The following STRN3 variants were observed in gnomAD, a reference collection of about 807,000 sequenced individuals.
The protein encoded by STRN3 is striatin 3, also known as striatin-3.
STRN3 carries 29 observed loss-of-function variants against 95.6 expected under a neutral mutation model. The ratio of observed to expected loss-of-function variants is 0.30; its 90% confidence interval spans 0.23 to 0.41. STRN3 has a LOEUF of 0.41. Among genes scored for constraint, STRN3 ranks in the 10% least tolerant of loss-of-function variants. The probability of loss-of-function intolerance (pLI) is 1.00; values close to 1 mark genes in which losing one functional copy is unlikely to be tolerated. For synonymous variants in STRN3, 331 were observed against 357.6 expected, an observed-to-expected ratio of 0.93 and a Z score of 0.84; for missense variants, 890 against 972.1, an observed-to-expected ratio of 0.92 and a Z score of 1.12.
intron 8 of STRN3, among the ~76,000 whole-genome samples, chr14:30,920,711 A>C (rs1183868344): frequency 2.0e-5 from 3 of 152,130 alleles, no homozygotes; most frequent in Non-Finnish European, 2.9e-5. Flanking sequence ...TGGTTTTTCT[A>C]TCTCCAAGCT....
chr14:30,996,925 C>T (rs10140025), intron 1 of STRN3, among the ~76,000 whole-genome samples: 96,314 of 151,500 alleles, frequency 0.64, 31,597 homozygotes, highest in Non-Finnish European at 0.73. Flanking sequence ...AGAACAATTA[C>T]AAGGACCATG....
intron 1 of STRN3, among the ~76,000 whole-genome samples, chr14:30,969,354 G>C (rs1057347837): frequency 1.3e-5 from 2 of 151,934 alleles, no homozygotes; most frequent in Admixed American, 1.3e-4. Flanking sequence ...GGAGAATGGC[G>C]TGAACCCGGG....
At chr14:30,905,842 G>A (rs561195205) in intron 14 of STRN3, among the ~76,000 whole-genome samples, 4 of 152,250 alleles carry the variant, frequency 2.6e-5, no homozygotes, top group East Asian at 1.9e-4. Context: ...TCTATTACAC[G>A]TTTTCTTCTA....
At chr14:30,900,376 C>A (rs57810688) in intron 16 of STRN3, among the ~76,000 whole-genome samples, 7,618 of 137,852 alleles carry the variant, frequency 0.055, 384 homozygotes, top group East Asian at 0.21. Context: ...AAAAAAAAAA[C>A]CACACCAAAA....
At chr14:30,996,159 C>T (rs1452777564) in intron 1 of STRN3, among the ~76,000 whole-genome samples, 1 of 152,202 alleles carries the variant, frequency 6.6e-6, no homozygotes, top group Admixed American at 6.5e-5. Flanking sequence ...GCTGCCTCAG[C>T]TCCCCCAGGG....
rs376672526 is a variant in STRN3, at chr14:30,911,024, T to C, written c.1720+17A>G. On this transcript the variant is annotated intron_variant, in intron 13 of 17. Coordinates refer to ENST00000357479, the MANE Select transcript of STRN3 (RefSeq NM_001083893.2). ...TCCATTCACTTAAAAAAAATACATTTTGATCATTTTACTTACCATATGTAT... is the reference window on the plus strand; with the variant it reads ...TCCATTCACTTAAAAAAAATACATTCTGATCATTTTACTTACCATATGTAT... 3 of 1,609,148 alleles carry C rather than the reference T, an allele frequency of 1.9e-6. No individual in the cohort carries two copies. The African/African-American group carries it at 4.0e-5, about 22-fold the overall frequency.
chr14:30,955,597 A>AG, intron 3 of STRN3, 23 bp downstream of exon 3: 1 of 1,532,340 alleles, frequency 6.5e-7, no homozygotes, highest in Non-Finnish European at 8.7e-7. Context: ...AAAAAAAAAA[A>AG]GTAACAGAAG....
At chr14:30,979,800 A>C (rs1366747176) in intron 1 of STRN3, among the ~76,000 whole-genome samples, 1 of 151,782 alleles carries the variant, frequency 6.6e-6, no homozygotes, top group Non-Finnish European at 1.5e-5. Context: ...GCGTTTCACC[A>C]TGTTGGCCAG....
At chr14:31,023,250 G>T (rs1323091683) in intron 1 of STRN3, among the ~76,000 whole-genome samples, 1 of 152,062 alleles carries the variant, frequency 6.6e-6, no homozygotes, top group Non-Finnish European at 1.5e-5. Flanking sequence ...GTGGAATTTT[G>T]GTAATTCATG....
chr14:30,953,904 C>T (rs1307514769), intron 3 of STRN3, among the ~76,000 whole-genome samples: 1 of 152,184 alleles, frequency 6.6e-6, no homozygotes, highest in Non-Finnish European at 1.5e-5. Flanking sequence ...GCTGGGATTA[C>T]AGGAATGAGC....
intron 1 of STRN3, among the ~76,000 whole-genome samples, chr14:30,995,005 A>T (rs1197395376): frequency 1.3e-5 from 2 of 152,216 alleles, no homozygotes; most frequent in African/African-American, 4.8e-5. Context: ...GAGTCAAATG[A>T]TCTAGAATAT....
At position 30,919,058 on chromosome 14, in the gene STRN3, T is replaced by C. The variant is rs747314434; in HGVS notation, c.1148A>G (p.Asp383Gly). ...TCCTGAAGGGATGTGGGGCAGCTCA[T>C]CATCTCCCAGATCAGCTATCATGTC... ...LYDMIADLGD[D>G]ELPHIPSGII... The change falls in exon 9 of 18, where the codon GAT becomes GGT. Residue 383 changes from aspartate to glycine, a missense_variant. By Grantham distance (94) the Asp-to-Gly change is moderately conservative. Around this residue, in one of 3 missense-constraint regions of STRN3, gnomAD observed 526 missense variants for 526.3 expected, o/e 1.00. Coordinates refer to ENST00000357479, the MANE Select transcript of STRN3 (RefSeq NM_001083893.2). The C allele has an allele frequency of 6.2e-7, 1 of 1,611,900 alleles. No homozygotes were observed. Among genetic ancestry groups the C allele is most frequent in the Non-Finnish European group, 8.5e-7 (1 of 1,178,754 alleles).
chr14:30,959,802 T>C (rs931576742), intron 1 of STRN3, among the ~76,000 whole-genome samples: 1 of 150,416 alleles, frequency 6.6e-6, no homozygotes, highest in African/African-American at 2.5e-5. Flanking sequence ...TCCAAAACTA[T>C]AACAGATAAA....
chr14:30,901,945 A>G (rs1465452433), intron 16 of STRN3, among the ~76,000 whole-genome samples: 1 of 152,046 alleles, frequency 6.6e-6, no homozygotes, highest in Non-Finnish European at 1.5e-5. Flanking sequence ...AGGCAGGTGG[A>G]TCATCTGAGG....
chr14:30,959,589 T>G (rs780933646), intron 1 of STRN3, among the ~76,000 whole-genome samples: 5 of 152,180 alleles, frequency 3.3e-5, no homozygotes, highest in Non-Finnish European at 7.3e-5. Context: ...TCAGCAATGT[T>G]ATAGCATCAT....
chr14:31,004,924 AAC>A (rs1187399418), intron 1 of STRN3, among the ~76,000 whole-genome samples: 1 of 152,152 alleles, frequency 6.6e-6, no homozygotes, highest in African/African-American at 2.4e-5. Flanking sequence ...GAATCCCAGA[AAC>A]AGTCTGGTCT....
intron 16 of STRN3, among the ~76,000 whole-genome samples, chr14:30,896,485 C>A (rs1896153163): frequency 6.7e-6 from 1 of 148,522 alleles, no homozygotes; most frequent in Non-Finnish European, 1.5e-5. Flanking sequence ...TCTAGCTAGC[C>A]TGGGCAACAT....
chr14:30,956,320 C>T, intron 1 of STRN3, 78 bp from the exon 2 acceptor site: 1 of 1,340,500 alleles, frequency 7.5e-7, no homozygotes, highest in Non-Finnish European at 1.1e-6. Context: ...AAACGATAAA[C>T]ACAAACTGTT....
chr14:30,972,379 C>T (rs1020431973), intron 1 of STRN3, among the ~76,000 whole-genome samples: 3 of 152,186 alleles, frequency 2.0e-5, no homozygotes, highest in African/African-American at 7.2e-5. Flanking sequence ...AATGACACAG[C>T]AGCAAGGGGC....
Sources: allele counts gnomAD v4.1 joint callset (sites outside exome capture counted in the v4.1 genomes callset), GRCh38; gene constraint gnomAD v4.1.1; regional missense constraint gnomAD v4.1.1; transcripts MANE v1.5; gene names NCBI Gene and HGNC (gene_info 2026-07-23, HGNC 2026-07-21).